The following PLCB4 variants were observed in gnomAD, a reference collection of about 807,000 sequenced individuals.
PLCB4 encodes the protein phospholipase C beta 4, also known as 1-phosphatidylinositol 4,5-bisphosphate phosphodiesterase beta-4.
Under a neutral mutation model 178.8 loss-of-function variants are expected in PLCB4, and 77 were observed. The observed-to-expected ratio is 0.43, with a 90% CI of 0.36 to 0.52. The LOEUF is 0.52. Among genes scored for constraint, PLCB4 ranks in the 20% least tolerant of loss-of-function variants. The pLI, the probability that PLCB4 is intolerant of heterozygous loss-of-function variation, is 0.00. For synonymous variants in PLCB4, 496 were observed against 490.8 expected (o/e 1.01, Z -0.14); for missense variants, 1,024 against 1,453.4 (o/e 0.70, Z 4.80).
chr20:9,269,210 C>G (rs1048677122), intron 3 of PLCB4, among the ~76,000 whole-genome samples: 1 of 152,266 alleles, frequency 6.6e-6, no homozygotes, highest in South Asian at 2.1e-4. Context: ...CACGGATATG[C>G]AAACATTTAA....
chr20:9,289,349 TACAA>T (rs2094560955), intron 3 of PLCB4, among the ~76,000 whole-genome samples: 1 of 152,078 alleles, frequency 6.6e-6, no homozygotes, highest in South Asian at 2.1e-4. Flanking sequence ...TGGAACACTC[TACAA>T]ACAAAGCCAG....
At chr20:9,362,812 A>T in intron 7 of PLCB4, 84 bp from the exon 8 acceptor site, 1 of 793,300 alleles carries the variant, frequency 1.3e-6, no homozygotes, top group Non-Finnish European at 2.2e-6. Context: ...ATTACACAAA[A>T]TGGATACAAT....
intron 3 of PLCB4, among the ~76,000 whole-genome samples, chr20:9,257,180 C>G (rs184059400): frequency 2.6e-4 from 39 of 152,256 alleles, no homozygotes; most frequent in African/African-American, 7.5e-4. Context: ...AGTATTTATT[C>G]TGTTTCTGGA....
At chr20:9,381,241 A>G (rs2037114546) in intron 13 of PLCB4, among the ~76,000 whole-genome samples, 1 of 152,154 alleles carries the variant, frequency 6.6e-6, no homozygotes, top group South Asian at 2.1e-4. Context: ...AAAATCTAAC[A>G]CTTCGCATTG....
chr20:9,299,961 G>A (rs2094684514), intron 3 of PLCB4, among the ~76,000 whole-genome samples: 1 of 151,926 alleles, frequency 6.6e-6, no homozygotes, highest in East Asian at 1.9e-4. Flanking sequence ...TTTTGAAAAG[G>A]TTATTTAATG....
intron 1 of PLCB4, among the ~76,000 whole-genome samples, chr20:9,095,462 A>G (rs2090870371): frequency 6.6e-6 from 1 of 152,200 alleles, no homozygotes; most frequent in South Asian, 2.1e-4. Flanking sequence ...TCTTGTGAAC[A>G]TTATCCCATG....
At chr20:9,305,724 A>G (rs995485978) in intron 3 of PLCB4, among the ~76,000 whole-genome samples, 2 of 152,232 alleles carry the variant, frequency 1.3e-5, no homozygotes, top group Admixed American at 6.5e-5. Context: ...ACAAGTCTGT[A>G]AATAACTACA....
rs762873249 is a variant in PLCB4, at chr20:9,423,756, G to T, written c.2328G>T (p.Leu776=). Residue 776 remains leucine (L), a synonymous_variant, in exon 28 of 40, where the codon CTG becomes CTT. Transcript: ENST00000378473. ...TCCTGTTCTGTTTGCAGGTGATCCT[G>T]CCGGACCTGGCTGTCTTGAGAATAG... The part of the protein sequence containing the change: ...EESFVFRKVI[L]PDLAVLRIAV... The T allele has an allele frequency of 6.2e-7, 1 of 1,613,492 alleles. No individual in the cohort carries two copies. The highest frequency in any genetic ancestry group is 1.7e-5 in the Admixed American group (1 of 59,946).
chr20:9,105,481 A>G (rs1473152881), intron 2 of PLCB4, among the ~76,000 whole-genome samples: 1 of 152,080 alleles, frequency 6.6e-6, no homozygotes, highest in Non-Finnish European at 1.5e-5. Context: ...AATAATTCCA[A>G]AGTGCATCTG....
intron 25 of PLCB4, among the ~76,000 whole-genome samples, chr20:9,416,798 G>A (rs1327971573): frequency 6.6e-6 from 1 of 152,108 alleles, no homozygotes; most frequent in Non-Finnish European, 1.5e-5. Flanking sequence ...TTGTGTAAAT[G>A]TCTATATTCT....
chr20:9,391,529 C>G (rs1243347021), intron 17 of PLCB4, among the ~76,000 whole-genome samples: 1 of 152,150 alleles, frequency 6.6e-6, no homozygotes, highest in African/African-American at 2.4e-5. Context: ...TTATGAGGTT[C>G]TTTTCAGAAG....
intron 28 of PLCB4, 105 bp from the exon 29 acceptor site, chr20:9,435,455 A>C (rs2148639591): frequency 1.5e-6 from 1 of 657,534 alleles, no homozygotes; most frequent in Middle Eastern, 4.1e-4. Flanking sequence ...TTATTAACAG[A>C]AAGCACAACA....
intron 4 of PLCB4, among the ~76,000 whole-genome samples, chr20:9,309,496 C>T (rs979090551): frequency 3.3e-5 from 5 of 152,196 alleles, no homozygotes; most frequent in Non-Finnish European, 5.9e-5. Flanking sequence ...GTTTCTTTCT[C>T]TCCAACTATG....
chr20:9,230,251 C>T (rs546479693), intron 3 of PLCB4, among the ~76,000 whole-genome samples: 1 of 152,204 alleles, frequency 6.6e-6, no homozygotes, highest in East Asian at 1.9e-4. Context: ...ACTTAATAAC[C>T]TCTTTAAAGA....
At position 9,069,127 on chromosome 20, in the gene PLCB4, A is replaced by G. The variant is rs2089429632; in HGVS notation, c.-214A>G. On this transcript the variant is annotated 5_prime_UTR_variant, in exon 1 of 40. Transcript: ENST00000378473. ...CACGCACACGCACACACGGGCGCGC[A>G]CACACACGCGCGTACACACTGGGTC... The G allele has an allele frequency of 5.2e-5, 8 of 153,092 alleles. 1 individual carries two copies. In the Admixed American group the frequency reaches 5.2e-4, roughly 10 times the overall value. The allele number at this position is 153,092 out of a possible 1,614,324, so 9.5% of individuals were successfully genotyped here. A position where few individuals can be genotyped will look rare whatever the true frequency, so the allele number is the denominator to read the frequency against.
intron 35 of PLCB4, among the ~76,000 whole-genome samples, chr20:9,464,686 A>C (rs941586637): frequency 3.5e-4 from 53 of 152,328 alleles, no homozygotes; most frequent in Non-Finnish European, 6.3e-4. Flanking sequence ...ATCTAGAAGA[A>C]ATGGATAAAT....
Position 9,262,966 on chromosome 20 carries a change from C to T in PLCB4, c.-15-44834C>T, listed in dbSNP as rs947848012. 2.6e-5 allele frequency among the ~76,000 whole-genome samples: 4 copies of T among 152,270 alleles called. No homozygotes were observed. The South Asian group carries it at 6.2e-4, about 24-fold the overall frequency. On this transcript the variant is annotated intron_variant, in intron 3 of 39. Coordinates refer to ENST00000378473, the MANE Select transcript of PLCB4 (RefSeq NM_001377142.1). ...AAGAATCCAGGCAGTGATTGATTTTCAGCGGCTCTCTTATCTCTGCTCTTC... is the reference window on the plus strand; with the variant it reads ...AAGAATCCAGGCAGTGATTGATTTTTAGCGGCTCTCTTATCTCTGCTCTTC...
intron 4 of PLCB4, among the ~76,000 whole-genome samples, chr20:9,311,091 A>G (rs921099194): frequency 2.0e-5 from 3 of 152,240 alleles, no homozygotes; most frequent in African/African-American, 7.2e-5. Context: ...TTAAAAATAC[A>G]TGCAACCCAG....
At chr20:9,075,640 G>C (rs1458673432) in intron 1 of PLCB4, among the ~76,000 whole-genome samples, 2 of 152,224 alleles carry the variant, frequency 1.3e-5, no homozygotes. Context: ...TTAGGGAGTG[G>C]TGAGGCTTGC....
Sources: gnomAD v4.1 joint callset for allele counts (sites outside exome capture counted in the v4.1 genomes callset) on GRCh38, gnomAD v4.1.1 for gene constraint, MANE v1.5 for transcripts, NCBI Gene and HGNC (gene_info 2026-07-23, HGNC 2026-07-21) for gene names.